The following KCNAB2 variants were observed in gnomAD, a reference collection of about 807,000 sequenced individuals.
KCNAB2 encodes the protein potassium voltage-gated channel subfamily A regulatory beta subunit 2, also known as voltage-gated potassium channel subunit beta-2.
In KCNAB2, 29 loss-of-function variants were observed where a neutral mutation model predicts 63.6. The observed-to-expected ratio is 0.46, with a 90% CI of 0.34 to 0.62. KCNAB2 has a LOEUF of 0.62. Among genes scored for constraint, KCNAB2 ranks in the 20% least tolerant of loss-of-function variants. The pLI, the probability that KCNAB2 is intolerant of heterozygous loss-of-function variation, is 0.01. For synonymous variants in KCNAB2, 222 were observed against 224.2 expected, an observed-to-expected ratio of 0.99 and a Z score of 0.09; for missense variants, 359 against 563.9, an observed-to-expected ratio of 0.64 and a Z score of 3.68.
rs1453561889 is a variant in KCNAB2 at position 5,994,259 on chromosome 1, G to T, written c.-53+1471G>T. ...TAAGGAAGCCGCATTCAGGCCCCGC[G>T]TTGCAGGTTGCAGGGTTTGGGGACC... On this transcript the variant is annotated intron_variant, in intron 1 of 16. Coordinates refer to the KCNAB2 transcript ENST00000341524. The surrounding 1 kb of genome is among the most constrained non-coding windows in gnomAD (Gnocchi z 5.4). Among the ~76,000 whole-genome samples, 1 of 152,298 alleles carries T rather than the reference G, an allele frequency of 6.6e-6. No homozygotes were observed. The highest frequency in any genetic ancestry group is 2.1e-4 in the South Asian group (1 of 4,824).
At chr1:6,046,620 C>A (rs1361731680) in intron 1 of KCNAB2, among the ~76,000 whole-genome samples, 1 of 152,232 alleles carries the variant, frequency 6.6e-6, no homozygotes, top group South Asian at 2.1e-4. Context: ...CTGAGGGAGC[C>A]AGGGGCTGCT....
chr1:6,096,823 C>A lies in KCNAB2; in HGVS notation c.1069+67C>A. 1 of 1,479,380 alleles carries A rather than the reference C, an allele frequency of 6.8e-7. No homozygotes were observed. The highest frequency in any genetic ancestry group is 9.0e-7 in the Non-Finnish European group (1 of 1,106,362). The allele number at this position is 1,479,380 out of a possible 1,614,324, so 91.6% of individuals were successfully genotyped here. ...ACCTGCCCCAGCTGGCCGTAGGTAA[C>A]AGGGTGGGGTTGCCATGGGGCCAGT... On this transcript the variant is annotated intron_variant, in intron 14 of 15. Transcript: ENST00000378083. This position sits in a 1 kb window ranked among gnomAD's most constrained non-coding sequence, Gnocchi z 5.9.
At chr1:6,010,345 A>G (rs1035896162) in intron 1 of KCNAB2, among the ~76,000 whole-genome samples, 47 of 152,198 alleles carry the variant, frequency 3.1e-4, no homozygotes, top group African/African-American at 1.1e-3. Flanking sequence ...CTGTAGTCCC[A>G]TCTGCTTTCG....
chr1:6,027,280 CT>C (rs1360927136), intron 1 of KCNAB2: 6 of 134,494 alleles, frequency 4.5e-5, no homozygotes, highest in Non-Finnish European at 7.8e-5. Context: ...GTGTGGACGG[CT>C]GAAGGGAGGA....
At chr1:6,017,858 C>T (rs913492016) in intron 1 of KCNAB2, among the ~76,000 whole-genome samples, 7 of 151,504 alleles carry the variant, frequency 4.6e-5, no homozygotes, top group African/African-American at 1.5e-4. Context: ...CCCAGCCAGG[C>T]GTGGCCTAAA....
chr1:6,095,555 T>G lies in KCNAB2; in HGVS notation c.879T>G (p.Pro293=). Reference sequence around the variant, plus strand: ...GAGTGGGCGCCATGACCTGGTCCCCTCTGGCCTGTGGCATTGTTTCTGGCA... The same window carrying G: ...GAGTGGGCGCCATGACCTGGTCCCCGCTGGCCTGTGGCATTGTTTCTGGCA... The part of the protein sequence containing the change: ...KIGVGAMTWS[P]LACGIVSGKY... Residue 293 remains proline (P), a synonymous_variant, in exon 13 of 16, where the codon CCT becomes CCG. Coordinates refer to ENST00000378083, the MANE Select transcript of KCNAB2 (RefSeq NM_001199862.2). 6.2e-7 allele frequency: 1 copy of G among 1,601,822 alleles called. No individual in the cohort carries two copies. The highest frequency in any genetic ancestry group is 8.5e-7 in the Non-Finnish European group (1 of 1,173,842).
intron 1 of KCNAB2, among the ~76,000 whole-genome samples, chr1:6,025,816 G>A (rs759238668): frequency 2.0e-5 from 3 of 152,162 alleles, no homozygotes; most frequent in Admixed American, 6.5e-5. Context: ...AGGGAGCGCA[G>A]GTAAAAGGTG....
At chr1:6,057,100 G>A (rs1007684883) in intron 2 of KCNAB2, among the ~76,000 whole-genome samples, 3 of 150,484 alleles carry the variant, frequency 2.0e-5, no homozygotes, top group Non-Finnish European at 3.0e-5. Context: ...CACATGTCTC[G>A]TTCGGGCTGC....
chr1:6,074,617 A>G lies in KCNAB2; in HGVS notation c.300+847A>G, dbSNP rs1285671852. 6.6e-6 allele frequency among the ~76,000 whole-genome samples: 1 copy of G among 152,222 alleles called. No individual in the cohort carries two copies. The highest frequency in any genetic ancestry group is 2.4e-5 in the African/African-American group (1 of 41,470). The stretch of plus-strand genomic sequence containing the variant: ...GTTTCCAAGGGAAAGCTTTGCTTCT[A>G]TCAAAATTTAAATGCGTACAGTTTG... On this transcript the variant is annotated intron_variant, in intron 4 of 15. Transcript: ENST00000378083. The surrounding 1 kb of genome is among the most constrained non-coding windows in gnomAD (Gnocchi z 4.9).
upstream of KCNAB2, among the ~76,000 whole-genome samples, chr1:6,030,504 A>T (rs965121029): frequency 6.7e-6 from 1 of 148,900 alleles, no homozygotes; most frequent in African/African-American, 2.5e-5. Context: ...CATTGTGTAT[A>T]TGTGTTATGT....
rs1193632376 is a variant in KCNAB2 at position 6,003,925 on chromosome 1, T to C, written c.-53+11137T>C. 2.0e-5 allele frequency among the ~76,000 whole-genome samples: 3 copies of C among 152,228 alleles called. No individual in the cohort carries two copies. The highest frequency in any genetic ancestry group is 4.8e-5 in the African/African-American group (2 of 41,456). On this transcript the variant is annotated intron_variant, in intron 1 of 16. Transcript: ENST00000341524. The surrounding 1 kb of genome is among the most constrained non-coding windows in gnomAD (Gnocchi z 4.1). ...TGGTGGAGTAAAGCTGCCTTTCAAA[T>C]TGCTGCCGCAGCGCTGCCTGGCAAG...
At chr1:6,059,149 C>T (rs1241161960) in intron 2 of KCNAB2, among the ~76,000 whole-genome samples, 1 of 152,068 alleles carries the variant, frequency 6.6e-6, no homozygotes, top group East Asian at 1.9e-4. Context: ...CTGGAGCTGA[C>T]CTGGCCACAG....
At chr1:6,088,655 T>G (rs978359904) in intron 7 of KCNAB2, among the ~76,000 whole-genome samples, 3 of 151,968 alleles carry the variant, frequency 2.0e-5, no homozygotes, top group African/African-American at 7.3e-5. Context: ...AGTGCTGGGA[T>G]TACAGGCGTG....
chr1:5,994,344 G>A lies in KCNAB2; in HGVS notation c.-53+1556G>A, dbSNP rs1175829222. Among the ~76,000 whole-genome samples, 3 of 152,248 alleles carry A rather than the reference G, an allele frequency of 2.0e-5. No individual in the cohort carries two copies. The highest frequency in any genetic ancestry group is 6.5e-5 in the Admixed American group (1 of 15,284). On this transcript the variant is annotated intron_variant, in intron 1 of 16. Coordinates refer to the KCNAB2 transcript ENST00000341524. The surrounding 1 kb of genome is among the most constrained non-coding windows in gnomAD (Gnocchi z 5.4). Reference sequence around the variant, plus strand: ...TCGCCTGGCGGCCGTGTCTGCTGCAGAGCCCTGTGCAGCTCCTGGCCCTGT... The same window carrying A: ...TCGCCTGGCGGCCGTGTCTGCTGCAAAGCCCTGTGCAGCTCCTGGCCCTGT...
chr1:6,040,780 G>A, intron 2 of KCNAB2: 1 of 608,876 alleles, frequency 1.6e-6, no homozygotes, highest in Admixed American at 3.0e-5. Flanking sequence ...CCTTCCACGG[G>A]GTTTTGAGGT....
At chr1:6,052,090 G>A (rs1243855199) in intron 2 of KCNAB2, among the ~76,000 whole-genome samples, 1 of 151,456 alleles carries the variant, frequency 6.6e-6, no homozygotes, top group Non-Finnish European at 1.5e-5. Context: ...CGACAAGAGT[G>A]AGACACTGTC....
rs145053471 is a variant in KCNAB2, at chr1:6,012,823, G to T, written c.-53+20035G>T. ...TGGTAGAGGTGGAGGTGACAGCAGT[G>T]GTGGTCGTGAGCTGTGTGTGTGTTT... On this transcript the variant is annotated intron_variant, in intron 1 of 16. Coordinates refer to the KCNAB2 transcript ENST00000341524. Among the ~76,000 whole-genome samples the T allele has an allele frequency of 3.6e-3, 552 of 152,140 alleles. 4 individuals carry two copies. The highest frequency in any genetic ancestry group is 0.013 in the African/African-American group (523 of 41,464).
chr1:6,013,874 A>C (rs767361955), intron 1 of KCNAB2, among the ~76,000 whole-genome samples: 2 of 152,010 alleles, frequency 1.3e-5, no homozygotes, highest in African/African-American at 2.4e-5. Flanking sequence ...TCACCCTACG[A>C]GGAGGCCTTT....
chr1:6,068,043 G>A (rs1009697486), intron 2 of KCNAB2, among the ~76,000 whole-genome samples: 20 of 152,170 alleles, frequency 1.3e-4, no homozygotes, highest in Non-Finnish European at 5.9e-5. Flanking sequence ...AAAAAATAAA[G>A]CTAGGAGTAA....
Sources: allele counts gnomAD v4.1 joint callset (sites outside exome capture counted in the v4.1 genomes callset), GRCh38; gene constraint gnomAD v4.1.1; non-coding constraint Gnocchi (gnomAD v3.1); transcripts MANE v1.5; gene names NCBI Gene and HGNC (gene_info 2026-07-23, HGNC 2026-07-21).